The following GPBP1 variants were observed in gnomAD, a reference collection of about 807,000 sequenced individuals.
GPBP1 encodes the protein GC-rich promoter binding protein 1.
GPBP1 carries 13 observed loss-of-function variants against 56.5 expected under a neutral mutation model. That is an observed-to-expected ratio of 0.23 (90% CI 0.15 to 0.37). The LOEUF (loss-of-function observed/expected upper bound fraction) is 0.37. Ranked by LOEUF, GPBP1 falls within the 10% of genes least tolerant of loss-of-function variation. The pLI, the probability that GPBP1 is intolerant of heterozygous loss-of-function variation, is 1.00. For missense variants in GPBP1, 477 were observed against 572.3 expected, an observed-to-expected ratio of 0.83 and a Z score of 1.70; for synonymous variants, 204 against 188.9, an observed-to-expected ratio of 1.08 and a Z score of -0.66.
chr5:57,183,034 AT>A (rs1754128364), intron 2 of GPBP1, among the ~76,000 whole-genome samples: 1 of 151,878 alleles, frequency 6.6e-6, no homozygotes, highest in Non-Finnish European at 1.5e-5. Context: ...CCATATTTCA[AT>A]TTTTTTCCTA....
intron 2 of GPBP1, among the ~76,000 whole-genome samples, chr5:57,181,493 G>A (rs1447902724): frequency 1.3e-5 from 2 of 151,928 alleles, no homozygotes; most frequent in Non-Finnish European, 1.5e-5. Flanking sequence ...GGGTGAGGGG[G>A]CAGGGCATGG....
chr5:57,198,722 GC>G (rs1456290055), intron 2 of GPBP1, among the ~76,000 whole-genome samples: 4 of 152,058 alleles, frequency 2.6e-5, no homozygotes, highest in African/African-American at 9.7e-5. Context: ...GGTGGCGCGT[GC>G]CTGTAATCCA....
chr5:57,236,963 CG>C (rs1013021770), intron 6 of GPBP1: 1 of 598,370 alleles, frequency 1.7e-6, no homozygotes, highest in Admixed American at 3.4e-5. Context: ...AGGTGAAACT[CG>C]GGAATTATTT....
At chr5:57,237,126 GAC>G in intron 6 of GPBP1, 1 of 1,548,946 alleles carries the variant, frequency 6.5e-7, no homozygotes, top group Admixed American at 2.0e-5. Flanking sequence ...TACACGCCCA[GAC>G]ACACACATAC....
intron 10 of GPBP1, among the ~76,000 whole-genome samples, chr5:57,257,400 A>G (rs1013220011): frequency 6.6e-6 from 1 of 152,210 alleles, no homozygotes; most frequent in Non-Finnish European, 1.5e-5. Flanking sequence ...ATACTAAGGC[A>G]CATAGATCAT....
At chr5:57,252,742 G>T (rs1297124457) in intron 10 of GPBP1, among the ~76,000 whole-genome samples, 4 of 148,256 alleles carry the variant, frequency 2.7e-5, no homozygotes, top group Non-Finnish European at 4.5e-5. Context: ...GACAGGTCTT[G>T]CTCTGTTGCC....
At chr5:57,245,685 C>T (rs558216068) in intron 6 of GPBP1, 7 of 152,156 alleles carry the variant, frequency 4.6e-5, no homozygotes, top group East Asian at 1.9e-4. Flanking sequence ...AGCAATTATT[C>T]GTAGTATTTA....
intron 3 of GPBP1, among the ~76,000 whole-genome samples, chr5:57,219,398 A>AAAAC (rs1755838531): frequency 8.6e-5 from 6 of 69,770 alleles, no homozygotes; most frequent in East Asian, 6.3e-3. Context: ...AAAAAAAAAA[A>AAAAC]AAAAACCAAA....
intron 2 of GPBP1, among the ~76,000 whole-genome samples, chr5:57,188,526 G>A (rs1350938582): frequency 6.6e-6 from 1 of 151,976 alleles, no homozygotes; most frequent in African/African-American, 2.4e-5. Flanking sequence ...GGATTGCTCG[G>A]GAGTTTGCGA....
intron 2 of GPBP1, among the ~76,000 whole-genome samples, chr5:57,200,898 T>G (rs183279109): frequency 2.0e-5 from 3 of 152,288 alleles, no homozygotes; most frequent in Admixed American, 2.0e-4. Flanking sequence ...CAGGATGGTC[T>G]TGATTTGCTG....
intron 10 of GPBP1, among the ~76,000 whole-genome samples, chr5:57,260,125 A>G (rs1741823800): frequency 6.6e-6 from 1 of 152,148 alleles, no homozygotes; most frequent in Non-Finnish European, 1.5e-5. Flanking sequence ...GAAATTATTC[A>G]ACTTTAATTT....
At chr5:57,257,821 G>A (rs1172897003) in intron 10 of GPBP1, among the ~76,000 whole-genome samples, 1 of 152,170 alleles carries the variant, frequency 6.6e-6, no homozygotes, top group Admixed American at 6.5e-5. Context: ...ATAAGGGCAA[G>A]CGTGCTAGAA....
intron 2 of GPBP1, among the ~76,000 whole-genome samples, chr5:57,192,856 TAC>T (rs1754587501): frequency 6.6e-6 from 1 of 152,176 alleles, no homozygotes; most frequent in Non-Finnish European, 1.5e-5. Context: ...CTATGTTACT[TAC>T]AGTATGTATA....
rs1741992758 is a variant in GPBP1 at position 57,263,459 on chromosome 5, G to T, written c.*707G>T. 6.6e-6 allele frequency: 1 copy of T among 152,180 alleles called. No individual in the cohort carries two copies. The highest frequency in any genetic ancestry group is 2.1e-4 in the South Asian group (1 of 4,830). The allele number at this position is 152,180 out of a possible 1,614,324, so 9.4% of individuals were successfully genotyped here. Reference sequence around the variant, plus strand: ...TATTGGGGTATGTTGTCAGACCAGGGTTTTCAGAGTTGATGGAAAAGAGTC... The same window carrying T: ...TATTGGGGTATGTTGTCAGACCAGGTTTTTCAGAGTTGATGGAAAAGAGTC... On this transcript the variant is annotated 3_prime_UTR_variant, in exon 12 of 12. Coordinates refer to ENST00000506184, the MANE Select transcript of GPBP1 (RefSeq NM_022913.4).
intron 2 of GPBP1, among the ~76,000 whole-genome samples, chr5:57,205,556 C>T (rs924292929): frequency 1.3e-5 from 2 of 149,810 alleles, no homozygotes; most frequent in African/African-American, 4.9e-5. Context: ...CTGGTTTTTC[C>T]ACATCTTTGC....
intron 10 of GPBP1, among the ~76,000 whole-genome samples, chr5:57,251,533 C>T (rs1207745953): frequency 1.4e-5 from 2 of 147,542 alleles, no homozygotes; most frequent in Admixed American, 6.7e-5. Context: ...GACTATACTG[C>T]TTTTTTGTTC....
chr5:57,236,096 T>C (rs1756651173), intron 6 of GPBP1, 64 bp downstream of exon 6: 1 of 1,125,242 alleles, frequency 8.9e-7, no homozygotes, highest in Non-Finnish European at 1.3e-6. Flanking sequence ...TTTCACTTTT[T>C]GTGTTTTTTA....
intron 3 of GPBP1, among the ~76,000 whole-genome samples, chr5:57,220,327 G>A (rs190868258): frequency 6.6e-6 from 1 of 151,928 alleles, no homozygotes; most frequent in Admixed American, 6.6e-5. Flanking sequence ...ATGCTTTTTG[G>A]ACCTGACTCT....
chr5:57,183,412 C>T (rs1487649671), intron 2 of GPBP1, among the ~76,000 whole-genome samples: 4 of 152,038 alleles, frequency 2.6e-5, no homozygotes, highest in Admixed American at 6.6e-5. Flanking sequence ...ATGTACAACT[C>T]TTAAGTTATC....
Sources: gnomAD v4.1 joint callset for allele counts (sites outside exome capture counted in the v4.1 genomes callset) on GRCh38, gnomAD v4.1.1 for gene constraint, MANE v1.5 for transcripts, NCBI Gene and HGNC (gene_info 2026-07-23, HGNC 2026-07-21) for gene names.